LHX8: variants seen among roughly 807,000 people sequenced by gnomAD.
The protein encoded by LHX8 is LIM homeobox 8.
LHX8 carries 12 observed loss-of-function variants against 40.3 expected under a neutral mutation model. The observed-to-expected ratio is 0.30, with a 90% CI of 0.19 to 0.48. The LOEUF is 0.48. Ranked by LOEUF, LHX8 falls within the 20% of genes least tolerant of loss-of-function variation. The pLI is 0.99. For synonymous variants in LHX8, 179 were observed against 162.0 expected (o/e 1.10, Z -0.80); for missense variants, 344 against 433.7 (o/e 0.79, Z 1.84).
intron 3 of LHX8, among the ~76,000 whole-genome samples, chr1:75,139,551 C>T (rs556915834): frequency 6.6e-6 from 1 of 152,030 alleles, no homozygotes; most frequent in Admixed American, 6.5e-5. Context: ...CTGGTTGGTC[C>T]CATTTTAGGA....
chr1:75,172,572 C>T, the LHX8 span, among the ~76,000 whole-genome samples: 1 of 152,154 alleles, frequency 6.6e-6, no homozygotes, highest in African/African-American at 2.4e-5. Flanking sequence ...CATCATTTCC[C>T]TTACCAGGAT....
At chr1:75,197,203 TC>T in the LHX8 span, among the ~76,000 whole-genome samples, 4 of 152,200 alleles carry the variant, frequency 2.6e-5, no homozygotes, top group African/African-American at 9.6e-5. Flanking sequence ...ATGTTTCATA[TC>T]GGAAATTTTT....
chr1:75,148,605 G>A lies in LHX8; in HGVS notation c.703G>A (p.Ala235Thr), dbSNP rs1275665127. Residue 235 changes from alanine to threonine, a missense_variant, in exon 7 of 9, where the codon GCT (alanine) becomes ACT (threonine). Ala to Thr is a moderately conservative substitution (Grantham distance 58, BLOSUM62 0). Transcript: ENST00000356261. ...DQLQVMQAQFAQDNNPDAQTL... is the reference protein window; with the variant it reads ...DQLQVMQAQFTQDNNPDAQTL... ...ACAACAGGTTATGCAAGCACAATTT[G>A]CTCAGGACAACAACCCAGATGCACA... 10 of 1,613,528 alleles carry A rather than the reference G, an allele frequency of 6.2e-6. No homozygotes were observed. Among genetic ancestry groups the A allele is most frequent in the Non-Finnish European group, 8.5e-6 (10 of 1,179,770 alleles).
intron 8 of LHX8, 175 bp from the exon 9 acceptor site, chr1:75,160,644 C>T (rs1648892201): frequency 3.2e-6 from 2 of 621,428 alleles, no homozygotes; most frequent in Admixed American, 2.6e-5. Context: ...TGTTCCTGGA[C>T]TCTCACTATG....
chr1:75,195,625 G>C, the LHX8 span, among the ~76,000 whole-genome samples: 1 of 151,918 alleles, frequency 6.6e-6, no homozygotes, highest in African/African-American at 2.4e-5. Context: ...TCAAACACTT[G>C]TTATTCTATA....
At chr1:75,174,522 TACAC>T in the LHX8 span, among the ~76,000 whole-genome samples, 1 of 151,154 alleles carries the variant, frequency 6.6e-6, no homozygotes. Flanking sequence ...CACACATGCA[TACAC>T]ACACACACAC....
chr1:75,185,438 T>C, the LHX8 span, among the ~76,000 whole-genome samples: 1 of 151,000 alleles, frequency 6.6e-6, no homozygotes, highest in Admixed American at 6.6e-5. Flanking sequence ...GGATGCAAAA[T>C]TGGCCCAAGA....
chr1:75,137,368 T>A, intron 3 of LHX8, 107 bp downstream of exon 3: 1 of 1,183,916 alleles, frequency 8.4e-7, no homozygotes, highest in Non-Finnish European at 1.2e-6. Context: ...AAGTTCTGGG[T>A]GAAGGTTGTA....
intron 7 of LHX8, among the ~76,000 whole-genome samples, chr1:75,153,027 T>C (rs550551882): frequency 1.2e-4 from 18 of 152,250 alleles, no homozygotes; most frequent in Admixed American, 5.9e-4. Flanking sequence ...ATTTCCTTTT[T>C]ATTTTTTCCA....
At chr1:75,156,699 GA>G (rs1218640393) in intron 7 of LHX8, among the ~76,000 whole-genome samples, 193 bp from the exon 8 acceptor site, 5 of 152,180 alleles carry the variant, frequency 3.3e-5, no homozygotes, top group Non-Finnish European at 7.3e-5. Context: ...AACTGAGCAA[GA>G]AAAATGACCA....
At chr1:75,185,936 C>T in the LHX8 span, among the ~76,000 whole-genome samples, 1 of 152,152 alleles carries the variant, frequency 6.6e-6, no homozygotes, top group Non-Finnish European at 1.5e-5. Context: ...GAATGCAATC[C>T]TATTCACAAT....
rs750383671 is a variant in LHX8 at position 75,143,819 on chromosome 1, A to G, written c.581-26A>G. 12 of 1,536,876 alleles carry G rather than the reference A, an allele frequency of 7.8e-6. No homozygotes were observed. In the East Asian group the frequency reaches 2.7e-4, roughly 35 times the overall value. Reference sequence around the variant, plus strand: ...GGGTGTACCCATTTGAATTACCAACATATATAGTGTGTTTTTTAAATGCAG... The same window carrying G: ...GGGTGTACCCATTTGAATTACCAACGTATATAGTGTGTTTTTTAAATGCAG... On this transcript the variant is annotated intron_variant, in intron 5 of 8. Transcript: ENST00000356261.
chr1:75,130,486 G>C (rs1030204487), upstream of LHX8: 1 of 600,424 alleles, frequency 1.7e-6, no homozygotes, highest in Non-Finnish European at 3.0e-6. Context: ...CGTGGAGCAG[G>C]CTTGCCCAGC....
At chr1:75,172,402 A>C in the LHX8 span, among the ~76,000 whole-genome samples, 1 of 152,246 alleles carries the variant, frequency 6.6e-6, no homozygotes, top group Non-Finnish European at 1.5e-5. Flanking sequence ...TTTGTCCATC[A>C]AAAGTCTTTT....
At chr1:75,194,946 C>T in the LHX8 span, among the ~76,000 whole-genome samples, 8 of 152,142 alleles carry the variant, frequency 5.3e-5, no homozygotes, top group South Asian at 2.1e-4. Context: ...GAGAGATTGC[C>T]GGGTTCATTC....
chr1:75,189,092 G>C, the LHX8 span, among the ~76,000 whole-genome samples: 1 of 152,166 alleles, frequency 6.6e-6, no homozygotes, highest in Non-Finnish European at 1.5e-5. Context: ...CTATCCCCTA[G>C]AGATGGTATC....
At chr1:75,131,003 C>T (rs1647945909), upstream of LHX8, 4 of 520,526 alleles carry the variant, frequency 7.7e-6, no homozygotes, top group South Asian at 8.6e-5. Context: ...GTCCTATGGC[C>T]CACTGTACCC....
rs371719492 is a variant in LHX8, at chr1:75,143,164, A to G, written c.406A>G (p.Thr136Ala). 11 of 1,613,690 alleles carry G rather than the reference A, an allele frequency of 6.8e-6. No homozygotes were observed. Among genetic ancestry groups the G allele is most frequent in the Non-Finnish European group, 7.6e-6 (9 of 1,179,764 alleles). ...TCGATGTGGGAGACACATCCATTCT[A>G]CTGACTGGGTCCGGAGAGCCAAGGG... ...CSRCGRHIHS[T>A]DWVRRAKGNV... is the part of the protein sequence containing the mutation. The change falls in exon 5 of 9, where the codon ACT (threonine) becomes GCT (alanine). Residue 136 changes from threonine (T) to alanine (A), a missense_variant. Around this residue, in one of 3 missense-constraint regions of LHX8, gnomAD observed 147 missense variants for 250.8 expected, o/e 0.59. Transcript: ENST00000356261.
the LHX8 span, among the ~76,000 whole-genome samples, chr1:75,195,120 C>T: frequency 0.018 from 2,795 of 152,238 alleles, 77 homozygotes; most frequent in African/African-American, 0.057. Context: ...TACTTCTTTC[C>T]ATATCTATCT....
Sources: gnomAD v4.1 joint callset for allele counts (sites outside exome capture counted in the v4.1 genomes callset) on GRCh38, gnomAD v4.1.1 for gene constraint, gnomAD v4.1.1 regional missense constraint, MANE v1.5 for transcripts, NCBI Gene and HGNC (gene_info 2026-07-23, HGNC 2026-07-21) for gene names.